Variants in H2BC12 observed in about 807,000 individuals in gnomAD.
The protein encoded by H2BC12 is histone H2B type 1-K.
H2BC12 carries 6 observed loss-of-function variants against 6.3 expected under a neutral mutation model. The observed-to-expected ratio is 0.95, with a 90% confidence interval of 0.52 to 1.87. The LOEUF is 1.87. Ranked by LOEUF, H2BC12 falls within the 40% of genes most tolerant of loss-of-function variation. The pLI, the probability that H2BC12 is intolerant of heterozygous loss-of-function variation, is 0.01. For missense variants in H2BC12, 119 were observed against 178.4 expected (o/e 0.67, Z 1.90); for synonymous variants, 132 against 78.5 (o/e 1.68, Z -3.60).
chr6:27,146,496 C>T lies in H2BC12; in HGVS notation c.303G>A (p.Leu101=), dbSNP rs753221245. The T allele has an allele frequency of 1.9e-6, 3 of 1,614,222 alleles. No individual in the cohort carries two copies. The highest frequency in any genetic ancestry group is 2.2e-5 in the East Asian group (1 of 44,882). ...GCTTGGCCAACTCCCCGGGCAGCAGCAGGCGCACGGCCGTCTGGATCTCCC... is the reference window on the plus strand; with the variant it reads ...GCTTGGCCAACTCCCCGGGCAGCAGTAGGCGCACGGCCGTCTGGATCTCCC... ...TSREIQTAVR[L]LLPGELAKHA... The change falls in exon 1 of 1, where the codon CTG becomes CTA. Residue 101 remains leucine (L), a synonymous_variant. Transcript: ENST00000356950.
At chr6:27,139,445 G>A in the H2BC12 span, 1 of 1,614,202 alleles carries the variant, frequency 6.2e-7, no homozygotes, top group Non-Finnish European at 8.5e-7. Flanking sequence ...GGCGTGAAGC[G>A]CATTTCTGGC....
chr6:27,141,821 G>A (rs1760010264), downstream of H2BC12, among the ~76,000 whole-genome samples: 1 of 152,210 alleles, frequency 6.6e-6, no homozygotes, highest in Non-Finnish European at 1.5e-5. Context: ...ACCGTAGTAG[G>A]TGGTGATGCC....
In H2BC12 at chr6:27,146,838, G is replaced by A. The variant is rs948097118; in HGVS notation, c.-40C>T. The A allele has an allele frequency of 1.4e-5, 22 of 1,602,384 alleles. No homozygotes were observed. The highest frequency in any genetic ancestry group is 4.5e-5 in the East Asian group (2 of 44,822). ...ACGAGCCTGAGACGAGCAGCAGATC[G>A]AGAAAACGGGAAGTAATGGGAGCAA... On this transcript the variant is annotated 5_prime_UTR_variant, in exon 1 of 1. Transcript: ENST00000356950.
chr6:27,143,516 T>C (rs1246805225), downstream of H2BC12, among the ~76,000 whole-genome samples: 3 of 151,838 alleles, frequency 2.0e-5, no homozygotes, highest in Non-Finnish European at 4.4e-5. Context: ...TATTAAGCAC[T>C]TGAAGAATTA....
downstream of H2BC12, chr6:27,146,323 A>T: frequency 6.4e-7 from 1 of 1,574,414 alleles, no homozygotes; most frequent in African/African-American, 1.4e-5. Context: ...TTAAGCCTGG[A>T]TTAGGAACAC....
At chr6:27,139,621 A>G in the H2BC12 span, 11 of 1,605,300 alleles carry the variant, frequency 6.9e-6, no homozygotes, top group Non-Finnish European at 7.7e-6. Context: ...CGGCGGCTAA[A>G]TGGCATTTTG....
At chr6:27,139,463 A>G in the H2BC12 span, 1 of 1,614,136 alleles carries the variant, frequency 6.2e-7, no homozygotes, top group Non-Finnish European at 8.5e-7. Context: ...GGCCTCATCT[A>G]TGAGGAGACC....
chr6:27,141,065 A>G, the H2BC12 span, among the ~76,000 whole-genome samples: 1 of 152,104 alleles, frequency 6.6e-6, no homozygotes, highest in Non-Finnish European at 1.5e-5. Flanking sequence ...AAAAAAAACA[A>G]AAAACATTTA....
chr6:27,140,331 TA>T, the H2BC12 span, among the ~76,000 whole-genome samples: 1 of 152,196 alleles, frequency 6.6e-6, no homozygotes, highest in Non-Finnish European at 1.5e-5. Flanking sequence ...ACTGATATTC[TA>T]AATTTGTTTA....
downstream of H2BC12, among the ~76,000 whole-genome samples, chr6:27,141,669 G>A (rs1362165785): frequency 1.3e-5 from 2 of 152,182 alleles, no homozygotes; most frequent in Non-Finnish European, 2.9e-5. Flanking sequence ...ATTTTCATGT[G>A]TCAGTTTGTG....
chr6:27,139,287 T>C, the H2BC12 span: 1 of 1,581,304 alleles, frequency 6.3e-7, no homozygotes, highest in Non-Finnish European at 8.6e-7. Flanking sequence ...GCAGCAGACC[T>C]TTGTTCTCTG....
At chr6:27,145,194 G>C (rs535277028), downstream of H2BC12, among the ~76,000 whole-genome samples, 1 of 152,024 alleles carries the variant, frequency 6.6e-6, no homozygotes, top group Non-Finnish European at 1.5e-5. Context: ...CATATGCTTT[G>C]CATGTATGAA....
At chr6:27,142,631 C>G (rs540428449), downstream of H2BC12, among the ~76,000 whole-genome samples, 3 of 131,654 alleles carry the variant, frequency 2.3e-5, no homozygotes, top group African/African-American at 3.4e-5. Context: ...TACATTCCCC[C>G]CCTCCTTTTT....
downstream of H2BC12, chr6:27,146,355 A>G (rs35216950): frequency 2.9e-5 from 47 of 1,607,490 alleles, no homozygotes; most frequent in East Asian, 1.1e-4. Flanking sequence ...TCTAATATCG[A>G]TAATTTAAGT....
At chr6:27,146,856 G>T (rs531225113), upstream of H2BC12, 3 of 1,593,412 alleles carry the variant, frequency 1.9e-6, no homozygotes, top group Admixed American at 1.7e-5. Flanking sequence ...GGGAAGTAAT[G>T]GGAGCAAGGT....
chr6:27,142,636 CTTTTTTTTTTTT>C (rs759784250), downstream of H2BC12, among the ~76,000 whole-genome samples: 1 of 100,292 alleles, frequency 1.0e-5, no homozygotes, highest in Admixed American at 1.2e-4. Context: ...TCCCCCCCTC[CTTTTTTTTTTTT>C]TTTTTTTTGA....
the H2BC12 span, among the ~76,000 whole-genome samples, chr6:27,140,673 C>T: frequency 6.6e-6 from 1 of 151,776 alleles, no homozygotes; most frequent in Non-Finnish European, 1.5e-5. Context: ...TCCCATATTC[C>T]ACCAGCAGTG....
At chr6:27,139,283 G>A in the H2BC12 span, 7 of 1,569,398 alleles carry the variant, frequency 4.5e-6, no homozygotes, top group East Asian at 2.2e-5. Flanking sequence ...ACAGGCAGCA[G>A]ACCTTTGTTC....
chr6:27,146,625 C>T lies in H2BC12; in HGVS notation c.174G>A (p.Lys58=), dbSNP rs1034173647. 9.9e-6 allele frequency: 16 copies of T among 1,614,138 alleles called. No homozygotes were observed. The highest frequency in any genetic ancestry group is 1.4e-5 in the Non-Finnish European group (16 of 1,180,058). ...CGAAGGAGTTCATGATTCCCATGGCCTTAGAGGAGATGCCGGTGTCGGGGT... is the reference window on the plus strand; with the variant it reads ...CGAAGGAGTTCATGATTCCCATGGCTTTAGAGGAGATGCCGGTGTCGGGGT... ...QVHPDTGISS[K]AMGIMNSFVN... Residue 58 remains lysine, a synonymous_variant, in exon 1 of 1, where the codon AAG becomes AAA. Coordinates refer to ENST00000356950, the MANE Select transcript of H2BC12 (RefSeq NM_001312653.2).
Sources: gnomAD v4.1 joint callset for allele counts (sites outside exome capture counted in the v4.1 genomes callset) on GRCh38, gnomAD v4.1.1 for gene constraint, MANE v1.5 for transcripts, NCBI Gene and HGNC (gene_info 2026-07-23, HGNC 2026-07-21) for gene names.